The following TINAG variants were observed in gnomAD, a reference collection of about 807,000 sequenced individuals.
TINAG encodes tubulointerstitial nephritis antigen.
Under a neutral mutation model 72.7 loss-of-function variants are expected in TINAG, and 83 were observed. The observed-to-expected ratio is 1.14, with a 90% CI of 0.96 to 1.37. TINAG has a LOEUF of 1.37. Ranked by LOEUF, TINAG falls within the 40% of genes most tolerant of loss-of-function variation. The pLI, the probability that TINAG is intolerant of heterozygous loss-of-function variation, is 0.00. For synonymous variants in TINAG, 234 were observed against 189.9 expected (o/e 1.23, Z -1.91); for missense variants, 685 against 576.6 (o/e 1.19, Z -1.93).
chr6:54,307,987 T>A, upstream of TINAG: 1 of 1,514,854 alleles, frequency 6.6e-7, no homozygotes. Context: ...GGAGTACAGA[T>A]GGGAAATCAA....
At chr6:54,372,336 C>A (rs940183940) in intron 9 of TINAG, among the ~76,000 whole-genome samples, 2 of 151,872 alleles carry the variant, frequency 1.3e-5, no homozygotes, top group African/African-American at 4.8e-5. Context: ...TTTGGGATGC[C>A]TGTGAAATAA....
chr6:54,318,805 A>G (rs1186848755), intron 1 of TINAG, among the ~76,000 whole-genome samples: 5 of 152,134 alleles, frequency 3.3e-5, no homozygotes, highest in African/African-American at 1.2e-4. Context: ...TTATATAGAC[A>G]CTGATGCTTT....
chr6:54,325,334 A>G (rs1784579446), intron 3 of TINAG, among the ~76,000 whole-genome samples: 2 of 152,234 alleles, frequency 1.3e-5, no homozygotes, highest in Admixed American at 6.5e-5. Context: ...CGTGTTTATC[A>G]GAGAATATGA....
chr6:54,343,131 T>A (rs1227381313), intron 4 of TINAG, 95 bp from the exon 5 acceptor site: 2 of 1,120,102 alleles, frequency 1.8e-6, no homozygotes, highest in Non-Finnish European at 2.3e-6. Flanking sequence ...TAAAATAATT[T>A]AAAAAATAAT....
At chr6:54,360,841 G>GGTTTTTTTTTTTTTTT in intron 9 of TINAG, among the ~76,000 whole-genome samples, 1 of 26,254 alleles carries the variant, frequency 3.8e-5, no homozygotes, top group South Asian at 2.3e-3. Flanking sequence ...CAGATACTGT[G>GGTTTTTTTTTTTTTTT]TTTTTTTTTT....
At chr6:54,327,057 T>C (rs1350314245) in intron 4 of TINAG, 141 bp downstream of exon 4, 7 of 1,541,364 alleles carry the variant, frequency 4.5e-6, no homozygotes, top group Admixed American at 4.3e-5. Context: ...AAAAACCCTT[T>C]CCCTAAATGG....
chr6:54,378,821 A>G (rs562671905), intron 9 of TINAG, among the ~76,000 whole-genome samples: 3 of 152,234 alleles, frequency 2.0e-5, no homozygotes, highest in South Asian at 4.2e-4. Flanking sequence ...CCTAGTCTCT[A>G]TCAGGAATAG....
At chr6:54,380,882 A>G (rs1047725010) in intron 10 of TINAG, among the ~76,000 whole-genome samples, 3 of 150,702 alleles carry the variant, frequency 2.0e-5, no homozygotes, top group Non-Finnish European at 1.5e-5. Context: ...AACTTCCCTC[A>G]TATATATTTA....
chr6:54,329,776 A>G (rs1292723675), intron 4 of TINAG, among the ~76,000 whole-genome samples: 2 of 152,164 alleles, frequency 1.3e-5, no homozygotes, highest in Non-Finnish European at 2.9e-5. Context: ...GTGATGGAGG[A>G]ATATTTACCA....
chr6:54,383,708 C>A, intron 10 of TINAG, among the ~76,000 whole-genome samples: 1 of 152,028 alleles, frequency 6.6e-6, no homozygotes, highest in African/African-American at 2.4e-5. Flanking sequence ...TTAAAATAAC[C>A]ATTATTTTAA....
At chr6:54,366,108 T>C (rs1763407619) in intron 9 of TINAG, among the ~76,000 whole-genome samples, 1 of 151,648 alleles carries the variant, frequency 6.6e-6, no homozygotes, top group Non-Finnish European at 1.5e-5. Context: ...ACAACCCTCA[T>C]ACTTTTAAAA....
intron 10 of TINAG, among the ~76,000 whole-genome samples, chr6:54,382,775 G>A (rs758365002): frequency 2.0e-5 from 3 of 152,174 alleles, no homozygotes; most frequent in Non-Finnish European, 2.9e-5. Context: ...AGCAGTGTAT[G>A]TCTCATAAAT....
chr6:54,374,759 A>C (rs934398519), intron 9 of TINAG, among the ~76,000 whole-genome samples: 1 of 152,014 alleles, frequency 6.6e-6, no homozygotes, highest in Non-Finnish European at 1.5e-5. Context: ...CTGATAGCCT[A>C]TCTGAGTTTC....
chr6:54,310,513 TTTC>T (rs1238827970), intron 1 of TINAG, among the ~76,000 whole-genome samples: 15 of 150,724 alleles, frequency 1.0e-4, no homozygotes, highest in Non-Finnish European at 7.4e-5. Context: ...TTTCTCTTTC[TTTC>T]TTTTCTTTCT....
chr6:54,384,120 A>C (rs1271889818), intron 10 of TINAG, among the ~76,000 whole-genome samples: 1 of 152,098 alleles, frequency 6.6e-6, no homozygotes, highest in Non-Finnish European at 1.5e-5. Flanking sequence ...ACCAAACACT[A>C]CATGTTCTCA....
chr6:54,376,740 G>T (rs916557888), intron 9 of TINAG, among the ~76,000 whole-genome samples: 2 of 151,842 alleles, frequency 1.3e-5, no homozygotes, highest in African/African-American at 2.4e-5. Context: ...CTCTTTCATG[G>T]GTTTTAATAC....
intron 4 of TINAG, among the ~76,000 whole-genome samples, chr6:54,327,441 T>C (rs950903273): frequency 1.3e-5 from 2 of 152,166 alleles, no homozygotes; most frequent in Non-Finnish European, 1.5e-5. Flanking sequence ...GCTTTTCCCA[T>C]GGTCTTCGCA....
At chr6:54,379,897 A>G (rs1348267891) in intron 9 of TINAG, among the ~76,000 whole-genome samples, 1 of 152,078 alleles carries the variant, frequency 6.6e-6, no homozygotes, top group South Asian at 2.1e-4. Context: ...AGTCATCTAC[A>G]TTAGGTATTT....
At chr6:54,362,678 C>G (rs1048350131) in intron 9 of TINAG, among the ~76,000 whole-genome samples, 1 of 151,510 alleles carries the variant, frequency 6.6e-6, no homozygotes, top group Non-Finnish European at 1.5e-5. Flanking sequence ...CTATACCTGC[C>G]ATAGATAATT....
Sources: allele counts gnomAD v4.1 joint callset (sites outside exome capture counted in the v4.1 genomes callset), GRCh38; gene constraint gnomAD v4.1.1; transcripts MANE v1.5; gene names NCBI Gene and HGNC (gene_info 2026-07-23, HGNC 2026-07-21).